COG5: variants seen among roughly 807,000 people sequenced by gnomAD.
COG5 encodes component of oligomeric golgi complex 5.
Under a neutral mutation model 110.4 loss-of-function variants are expected in COG5, and 86 were observed. The observed-to-expected ratio is 0.78, with a 90% CI of 0.65 to 0.93. COG5 has a LOEUF of 0.93. Among genes scored for constraint, COG5 ranks in the 40% least tolerant of loss-of-function variants. The pLI, the probability that COG5 is intolerant of heterozygous loss-of-function variation, is 0.00. For missense variants in COG5, 1,077 were observed against 987.0 expected, an observed-to-expected ratio of 1.09 and a Z score of -1.22; for synonymous variants, 360 against 334.6, an observed-to-expected ratio of 1.08 and a Z score of -0.83.
At chr7:107,456,957 G>A (rs1795701505) in intron 6 of COG5, among the ~76,000 whole-genome samples, 1 of 152,114 alleles carries the variant, frequency 6.6e-6, no homozygotes, top group South Asian at 2.1e-4. Flanking sequence ...AGTGTGAAAG[G>A]ATCAAGTTGA....
intron 12 of COG5, among the ~76,000 whole-genome samples, chr7:107,284,657 G>A (rs542764813): frequency 6.6e-6 from 1 of 152,284 alleles, no homozygotes; most frequent in South Asian, 2.1e-4. Context: ...AATGTAACCT[G>A]AGAAACATTT....
chr7:107,293,276 C>T (rs983090128), intron 12 of COG5, among the ~76,000 whole-genome samples: 1 of 152,122 alleles, frequency 6.6e-6, no homozygotes. Context: ...CTCCTGACCT[C>T]GCTTACCTGA....
chr7:107,314,121 A>G (rs964861900), intron 11 of COG5, among the ~76,000 whole-genome samples: 1 of 152,218 alleles, frequency 6.6e-6, no homozygotes, highest in African/African-American at 2.4e-5. Context: ...AAACATTTTG[A>G]GCAAGAGAAG....
intron 10 of COG5, among the ~76,000 whole-genome samples, chr7:107,354,430 G>A (rs541776049): frequency 1.3e-5 from 2 of 152,300 alleles, no homozygotes; most frequent in African/African-American, 2.4e-5. Flanking sequence ...TATAATCCCA[G>A]CACTTTGGGA....
chr7:107,345,539 T>C (rs931789987), intron 10 of COG5, among the ~76,000 whole-genome samples: 7 of 151,716 alleles, frequency 4.6e-5, no homozygotes, highest in African/African-American at 1.4e-4. Flanking sequence ...AGTAGAGTAG[T>C]GTTCGCCAGG....
chr7:107,415,948 GTA>G (rs1305322823), intron 6 of COG5, among the ~76,000 whole-genome samples: 19 of 52,384 alleles, frequency 3.6e-4, no homozygotes, highest in African/African-American at 3.0e-3. Flanking sequence ...ACGTATGTAT[GTA>G]TGTGTGTGTA....
intron 6 of COG5, among the ~76,000 whole-genome samples, chr7:107,485,742 T>A (rs924276623): frequency 6.6e-6 from 1 of 152,114 alleles, no homozygotes; most frequent in African/African-American, 2.4e-5. Flanking sequence ...ATTTGAACAT[T>A]TCATAAAACA....
Position 107,398,578 on chromosome 7 carries a change from A to C in COG5, c.669+13924T>G, listed in dbSNP as rs575168539. Among the ~76,000 whole-genome samples, 8 of 152,306 alleles carry C rather than the reference A, an allele frequency of 5.3e-5. No homozygotes were observed. In the South Asian group the frequency reaches 1.7e-3, roughly 32 times the overall value. On this transcript the variant is annotated intron_variant, in intron 7 of 21. Coordinates refer to ENST00000297135, the MANE Select transcript of COG5 (RefSeq NM_006348.5). ...TCCCAAAACCACCACCTCTGCCCCC[A>C]CATGTGTGGAAAAACTGTCTTCCAT... is the stretch of plus-strand genomic sequence containing the variant.
At chr7:107,399,745 C>T (rs1791289990) in intron 7 of COG5, among the ~76,000 whole-genome samples, 2 of 152,200 alleles carry the variant, frequency 1.3e-5, no homozygotes, top group Non-Finnish European at 2.9e-5. Flanking sequence ...ATTCTTACAA[C>T]TCAGTAATGA....
chr7:107,215,712 G>C (rs937479454), intron 19 of COG5, among the ~76,000 whole-genome samples: 4 of 150,520 alleles, frequency 2.7e-5, no homozygotes, highest in African/African-American at 9.7e-5. Flanking sequence ...GCCTACAAAA[G>C]AGTCAACTCA....
intron 19 of COG5, among the ~76,000 whole-genome samples, chr7:107,223,351 C>G (rs759350196): frequency 1.3e-5 from 2 of 152,078 alleles, no homozygotes; most frequent in African/African-American, 2.4e-5. Flanking sequence ...GTTTGTGGCA[C>G]GAGGGGCCAT....
chr7:107,265,071 G>C (rs541324957), intron 14 of COG5, among the ~76,000 whole-genome samples: 1 of 152,224 alleles, frequency 6.6e-6, no homozygotes, highest in African/African-American at 2.4e-5. Context: ...TTTACTTGTA[G>C]AATATACTTA....
At chr7:107,224,782 C>T (rs188154280) in intron 19 of COG5, among the ~76,000 whole-genome samples, 155 of 152,330 alleles carry the variant, frequency 1.0e-3, no homozygotes, top group African/African-American at 3.6e-3. Flanking sequence ...AGCTCTGACA[C>T]GTGGGTCTTG....
chr7:107,462,797 G>T (rs1359988918), intron 6 of COG5, among the ~76,000 whole-genome samples: 1 of 152,068 alleles, frequency 6.6e-6, no homozygotes, highest in Non-Finnish European at 1.5e-5. Flanking sequence ...AGAAATGATG[G>T]CAATCTGGGA....
intron 12 of COG5, 145 bp from the exon 13 acceptor site, chr7:107,283,877 A>C: frequency 1.5e-6 from 1 of 652,602 alleles, no homozygotes; most frequent in Non-Finnish European, 2.7e-6. Flanking sequence ...TTTGTTTCAC[A>C]ACGTACATAT....
At chr7:107,330,839 T>C (rs1214156674) in intron 10 of COG5, among the ~76,000 whole-genome samples, 1 of 151,322 alleles carries the variant, frequency 6.6e-6, no homozygotes, top group Non-Finnish European at 1.5e-5. Flanking sequence ...TTTTTTTTTT[T>C]TGAGACAGAG....
chr7:107,555,884 C>T (rs765428072), intron 2 of COG5, among the ~76,000 whole-genome samples: 4 of 151,976 alleles, frequency 2.6e-5, no homozygotes, highest in Non-Finnish European at 2.9e-5. Context: ...TGTGGTGGTG[C>T]ACACCTGTAA....
At chr7:107,328,552 A>C (rs1809969618) in intron 10 of COG5, among the ~76,000 whole-genome samples, 1 of 152,252 alleles carries the variant, frequency 6.6e-6, no homozygotes, top group South Asian at 2.1e-4. Flanking sequence ...TTCTACTTAT[A>C]TGAAGTAGCT....
intron 6 of COG5, among the ~76,000 whole-genome samples, chr7:107,488,727 G>A (rs1399733468): frequency 6.6e-6 from 1 of 151,940 alleles, no homozygotes. Context: ...CACGCCTGTA[G>A]TACCAACTAC....
Sources: allele counts gnomAD v4.1 joint callset (sites outside exome capture counted in the v4.1 genomes callset), GRCh38; gene constraint gnomAD v4.1.1; transcripts MANE v1.5; gene names NCBI Gene and HGNC (gene_info 2026-07-23, HGNC 2026-07-21).